STK3: variants seen among roughly 807,000 people sequenced by gnomAD.
The protein encoded by STK3 is serine/threonine-protein kinase 3.
STK3 carries 41 observed loss-of-function variants against 58.0 expected under a neutral mutation model. The ratio of observed to expected loss-of-function variants is 0.71; its 90% confidence interval spans 0.55 to 0.92. The LOEUF is 0.92. Ranked by LOEUF, STK3 falls within the 40% of genes least tolerant of loss-of-function variation. The pLI, the probability that STK3 is intolerant of heterozygous loss-of-function variation, is 0.00. For missense variants in STK3, 479 were observed against 602.7 expected (o/e 0.79, Z 2.15); for synonymous variants, 170 against 191.0 (o/e 0.89, Z 0.91).
rs560068613 is a variant in STK3 at position 98,439,988 on chromosome 8, C to T, written n.186-2780G>A. Among the ~76,000 whole-genome samples, 8 of 152,258 alleles carry T rather than the reference C, an allele frequency of 5.3e-5. No individual in the cohort carries two copies. In the South Asian group the frequency reaches 8.3e-4, roughly 16 times the overall value. On this transcript the variant is annotated intron_variant and non_coding_transcript_variant, in intron 1 of 3. Transcript: ENST00000517832. ...TCTCTAGCCTTCAGGGAAGAGGTGA[C>T]GCCTGAGCTAGGACTTGCAGGGAGA...
At chr8:98,625,189 G>T (rs1484824888) in intron 6 of STK3, among the ~76,000 whole-genome samples, 1 of 152,026 alleles carries the variant, frequency 6.6e-6, no homozygotes, top group South Asian at 2.1e-4. Flanking sequence ...CTTGAAAGAA[G>T]GCGCTTAAAC....
chr8:98,588,740 A>C (rs1270223290), intron 7 of STK3, among the ~76,000 whole-genome samples: 249 of 151,736 alleles, frequency 1.6e-3, no homozygotes, highest in African/African-American at 5.7e-3. Context: ...TACACCAATT[A>C]GACGTAGATT....
intron 3 of STK3, among the ~76,000 whole-genome samples, chr8:98,756,717 C>T (rs74680166): frequency 6.6e-4 from 100 of 152,302 alleles, no homozygotes; most frequent in Non-Finnish European, 1.2e-3. Context: ...AAAACTGAAG[C>T]GACTGCCCCT....
At position 98,444,728 on chromosome 8, in the gene STK3, GA is replaced by G. The variant is rs761561336; in HGVS notation, n.186-7521del. 2.6e-4 allele frequency among the ~76,000 whole-genome samples: 40 copies of G among 152,168 alleles called. 1 individual carries two copies. The highest frequency in any genetic ancestry group is 6.5e-5 in the Admixed American group (1 of 15,282). On this transcript the variant is annotated intron_variant and non_coding_transcript_variant, in intron 1 of 3. Transcript: ENST00000517832. ...CATGTTGAACTTGAGGTACGTGTGG[GA>G]CATTAAAAATGCAGATGTGAAGTTT...
chr8:98,851,243 CCAAA>C (rs766990202), intron 3 of STK3, among the ~76,000 whole-genome samples: 2 of 152,074 alleles, frequency 1.3e-5, no homozygotes, highest in African/African-American at 2.4e-5. Flanking sequence ...ACTCCAGAGC[CCAAA>C]CAGAGTAGGA....
intron 4 of STK3, among the ~76,000 whole-genome samples, chr8:98,708,801 A>G (rs1292746394): frequency 6.6e-6 from 1 of 151,926 alleles, no homozygotes; most frequent in Non-Finnish European, 1.5e-5. Context: ...GAATCAAGAT[A>G]TTTTATCTTT....
intron 4 of STK3, among the ~76,000 whole-genome samples, chr8:98,723,547 T>C (rs1234282853): frequency 1.3e-5 from 2 of 152,112 alleles, no homozygotes; most frequent in South Asian, 2.1e-4. Flanking sequence ...TCAGTAAAAA[T>C]GAATTCAAGT....
At chr8:98,384,585 G>A (rs1817771007) in intron 1 of STK3, among the ~76,000 whole-genome samples, 1 of 152,044 alleles carries the variant, frequency 6.6e-6, no homozygotes, top group African/African-American at 2.4e-5. Context: ...AGTTTCCAAG[G>A]CTCAGTCCTG....
At chr8:98,909,636 A>G (rs1035359496) in intron 1 of STK3, among the ~76,000 whole-genome samples, 1 of 152,098 alleles carries the variant, frequency 6.6e-6, no homozygotes, top group African/African-American at 2.4e-5. Context: ...GGCTTCTTTC[A>G]CTTGGCATGA....
chr8:98,619,382 T>G (rs1367563553), intron 6 of STK3, among the ~76,000 whole-genome samples: 1 of 151,138 alleles, frequency 6.6e-6, no homozygotes, highest in Non-Finnish European at 1.5e-5. Flanking sequence ...ACCTAGGCAT[T>G]ACCATTCAGG....
chr8:98,663,991 C>A (rs1020352172), intron 6 of STK3, among the ~76,000 whole-genome samples: 1 of 152,042 alleles, frequency 6.6e-6, no homozygotes, highest in African/African-American at 2.4e-5. Context: ...GCCTCATGCA[C>A]AATAAAAACT....
intron 1 of STK3, among the ~76,000 whole-genome samples, chr8:98,787,876 C>G (rs946552210): frequency 6.6e-6 from 1 of 152,092 alleles, no homozygotes; most frequent in Non-Finnish European, 1.5e-5. Context: ...TTCAGACAAA[C>G]AAATGCTGAG....
intron 1 of STK3, among the ~76,000 whole-genome samples, chr8:98,447,302 A>G (rs1818994372): frequency 6.6e-6 from 1 of 152,138 alleles, no homozygotes; most frequent in African/African-American, 2.4e-5. Context: ...ACTCATGGCC[A>G]TGCAGTAAGT....
intron 1 of STK3, among the ~76,000 whole-genome samples, chr8:98,928,369 T>C (rs1016397671): frequency 4.6e-5 from 7 of 152,216 alleles, no homozygotes; most frequent in African/African-American, 1.7e-4. Flanking sequence ...GAATGCTGGT[T>C]GATCACAAAA....
At chr8:98,903,559 T>TCCTCTTCTTCTTC (rs1234506460) in intron 1 of STK3, among the ~76,000 whole-genome samples, 1 of 87,180 alleles carries the variant, frequency 1.1e-5, no homozygotes, top group Admixed American at 1.1e-4. Context: ...TCTTCTTCCT[T>TCCTCTTCTTCTTC]TTTTTTTTTT....
At chr8:98,556,486 T>G (rs1476913422) in intron 8 of STK3, among the ~76,000 whole-genome samples, 2 of 152,094 alleles carry the variant, frequency 1.3e-5, no homozygotes, top group Non-Finnish European at 2.9e-5. Flanking sequence ...AAGCTGGATC[T>G]TGGGGTAAAA....
At chr8:98,614,038 A>G (rs7835203) in intron 6 of STK3, among the ~76,000 whole-genome samples, 4,531 of 152,328 alleles carry the variant, frequency 0.03, 98 homozygotes, top group South Asian at 0.061. Flanking sequence ...GCTATAAAAT[A>G]TATGAAGCAA....
chr8:98,427,793 T>C (rs1818259604), intron 3 of STK3: 1 of 573,430 alleles, frequency 1.7e-6, no homozygotes, highest in Non-Finnish European at 3.1e-6. Context: ...TGGGAGGGGA[T>C]CAGACCCCTC....
In STK3 at chr8:98,730,373, G is replaced by A. The variant is rs575902435; in HGVS notation, c.351+18903C>T. Among the ~76,000 whole-genome samples, 5 of 152,204 alleles carry A rather than the reference G, an allele frequency of 3.3e-5. No homozygotes were observed. The South Asian group carries it at 6.2e-4, about 19-fold the overall frequency. ...AGAAATAGATCTCATCCTGATAAAGGTATATAGTGAAAATGTCTCTTATAT... is the reference window on the plus strand; with the variant it reads ...AGAAATAGATCTCATCCTGATAAAGATATATAGTGAAAATGTCTCTTATAT... On this transcript the variant is annotated intron_variant, in intron 4 of 10. Coordinates refer to ENST00000419617, the MANE Select transcript of STK3 (RefSeq NM_006281.4).
Sources: allele counts gnomAD v4.1 joint callset (sites outside exome capture counted in the v4.1 genomes callset), GRCh38; gene constraint gnomAD v4.1.1; transcripts MANE v1.5; gene names NCBI Gene and HGNC (gene_info 2026-07-23, HGNC 2026-07-21).